CNTLN: variants seen among roughly 807,000 people sequenced by gnomAD.
CNTLN encodes the protein centlein.
A neutral mutation model predicts 180.0 loss-of-function variants in CNTLN; 212 were observed. The ratio of observed to expected loss-of-function variants is 1.18; its 90% CI spans 1.05 to 1.32. The LOEUF is 1.32. Among genes scored for constraint, CNTLN ranks in the 40% most tolerant of loss-of-function variants. The pLI is 0.00. For synonymous variants in CNTLN, 722 were observed against 563.1 expected (o/e 1.28, Z -3.99); for missense variants, 2,095 against 1,610.9 (o/e 1.30, Z -5.14).
intron 15 of CNTLN, among the ~76,000 whole-genome samples, chr9:17,400,586 TA>T (rs563927010): frequency 9.9e-4 from 150 of 152,270 alleles, no homozygotes; most frequent in African/African-American, 3.3e-3. Context: ...TCATTATCCA[TA>T]AAATAGGCAT....
At chr9:17,448,925 G>C (rs1353551942) in intron 18 of CNTLN, among the ~76,000 whole-genome samples, 1 of 152,130 alleles carries the variant, frequency 6.6e-6, no homozygotes, top group African/African-American at 2.4e-5. Flanking sequence ...GTGAAAAAGA[G>C]GAGTTCCGAA....
chr9:17,143,010 A>G (rs939863941), intron 1 of CNTLN, among the ~76,000 whole-genome samples: 16 of 152,202 alleles, frequency 1.1e-4, no homozygotes, highest in African/African-American at 3.6e-4. Context: ...GGCAGCAGGG[A>G]GGGAAGTTTC....
chr9:17,469,010 T>G (rs1274637290), intron 23 of CNTLN, among the ~76,000 whole-genome samples: 2 of 151,682 alleles, frequency 1.3e-5, no homozygotes, highest in Non-Finnish European at 3.0e-5. Flanking sequence ...CTGTCTTCGG[T>G]ACTCTTTCAG....
chr9:17,183,048 A>T (rs935314372), intron 2 of CNTLN, among the ~76,000 whole-genome samples: 3 of 152,176 alleles, frequency 2.0e-5, no homozygotes, highest in Non-Finnish European at 4.4e-5. Flanking sequence ...AGTATGATAG[A>T]ATCTGTATTT....
chr9:17,310,548 T>C (rs1426036895), intron 8 of CNTLN, among the ~76,000 whole-genome samples: 1 of 152,234 alleles, frequency 6.6e-6, no homozygotes, highest in Non-Finnish European at 1.5e-5. Context: ...CACATGTTTC[T>C]TGACGTACAC....
chr9:17,284,979 G>T (rs771938465), intron 6 of CNTLN, among the ~76,000 whole-genome samples: 4 of 150,980 alleles, frequency 2.6e-5, no homozygotes, highest in African/African-American at 9.8e-5. Context: ...TGGTTTCAAA[G>T]AACTTCTTGA....
intron 5 of CNTLN, among the ~76,000 whole-genome samples, chr9:17,266,386 C>G (rs1827445724): frequency 6.6e-6 from 1 of 152,132 alleles, no homozygotes; most frequent in Non-Finnish European, 1.5e-5. Context: ...AGTTTGATTG[C>G]ACTGTGGTCT....
chr9:17,497,968 A>G (rs1167283826), intron 25 of CNTLN, among the ~76,000 whole-genome samples: 1 of 152,130 alleles, frequency 6.6e-6, no homozygotes, highest in African/African-American at 2.4e-5. Context: ...GTATCTTACT[A>G]AGGTCTCATT....
At chr9:17,228,327 A>G (rs1276877473) in intron 3 of CNTLN, among the ~76,000 whole-genome samples, 1 of 152,082 alleles carries the variant, frequency 6.6e-6, no homozygotes, top group East Asian at 1.9e-4. Flanking sequence ...GGAATCACAT[A>G]GCTTATATAT....
At chr9:17,214,146 G>T (rs1355863292) in intron 2 of CNTLN, among the ~76,000 whole-genome samples, 2 of 152,114 alleles carry the variant, frequency 1.3e-5, no homozygotes, top group Non-Finnish European at 2.9e-5. Context: ...TTTCTTCCTA[G>T]CCTCGATGGT....
At chr9:17,250,265 T>C (rs1826058347) in intron 5 of CNTLN, among the ~76,000 whole-genome samples, 1 of 152,052 alleles carries the variant, frequency 6.6e-6, no homozygotes, top group South Asian at 2.1e-4. Context: ...GGATTTAAAG[T>C]GAGTCTTTTG....
At chr9:17,135,525 C>T (rs1817650255) in intron 1 of CNTLN, 100 bp downstream of exon 1, 2 of 1,398,542 alleles carry the variant, frequency 1.4e-6, no homozygotes, top group Non-Finnish European at 1.9e-6. Context: ...CTACCCCGCC[C>T]AGCGACGCTC....
At chr9:17,300,346 A>G (rs1379982505) in intron 7 of CNTLN, 1 of 152,096 alleles carries the variant, frequency 6.6e-6, no homozygotes, top group Admixed American at 6.5e-5. Flanking sequence ...AAATTTGTTT[A>G]TCTACCTTGG....
intron 5 of CNTLN, among the ~76,000 whole-genome samples, chr9:17,268,515 C>T (rs1252531039): frequency 2.6e-5 from 4 of 152,278 alleles, no homozygotes; most frequent in East Asian, 1.9e-4. Flanking sequence ...GCAGTCTGCC[C>T]GTTCTCAGAT....
chr9:17,176,536 G>A (rs1438869476), intron 2 of CNTLN, among the ~76,000 whole-genome samples: 1 of 152,084 alleles, frequency 6.6e-6, no homozygotes, highest in Non-Finnish European at 1.5e-5. Context: ...GAGGGATATT[G>A]GTGTATAGCT....
rs546008554 is a variant in CNTLN, at chr9:17,266,673, A to G, written c.850-7060A>G. Among the ~76,000 whole-genome samples, 3 of 152,220 alleles carry G rather than the reference A, an allele frequency of 2.0e-5. No homozygotes were observed. The South Asian group carries it at 6.2e-4, about 32-fold the overall frequency. On this transcript the variant is annotated intron_variant, in intron 5 of 25. Transcript: ENST00000380647. ...TCCCATTATTATTGTGTGGGAGTCT[A>G]AGTCTCTTTGTAGGTTACTCAGGAC... is the stretch of plus-strand genomic sequence containing the variant.
intron 2 of CNTLN, among the ~76,000 whole-genome samples, chr9:17,208,231 G>A (rs1004370731): frequency 1.3e-5 from 2 of 152,148 alleles, no homozygotes; most frequent in African/African-American, 2.4e-5. Flanking sequence ...AAATGATCAT[G>A]TGGTTTTTGT....
intron 2 of CNTLN, among the ~76,000 whole-genome samples, chr9:17,182,555 T>A (rs889536595): frequency 7.2e-5 from 11 of 152,224 alleles, no homozygotes; most frequent in Non-Finnish European, 1.6e-4. Flanking sequence ...CTGACCATGC[T>A]TTAGAAAATT....
chr9:17,518,326 C>G, the CNTLN span, among the ~76,000 whole-genome samples: 1 of 152,018 alleles, frequency 6.6e-6, no homozygotes, highest in African/African-American at 2.4e-5. Context: ...GGATTACAGG[C>G]ATGAGCCACC....
Sources: gnomAD v4.1 joint callset for allele counts (sites outside exome capture counted in the v4.1 genomes callset) on GRCh38, gnomAD v4.1.1 for gene constraint, MANE v1.5 for transcripts, NCBI Gene and HGNC (gene_info 2026-07-23, HGNC 2026-07-21) for gene names.